The following GPR161 variants were observed in gnomAD, a reference collection of about 807,000 sequenced individuals.
GPR161 encodes the protein G-protein coupled receptor RE2.
In GPR161, 25 loss-of-function variants were observed where a neutral mutation model predicts 39.2. The ratio of observed to expected loss-of-function variants is 0.64; its 90% CI spans 0.47 to 0.89. The LOEUF is 0.89. Among genes scored for constraint, GPR161 ranks in the 40% least tolerant of loss-of-function variants. GPR161 has a pLI of 0.00. For synonymous variants in GPR161, 286 were observed against 276.6 expected, an observed-to-expected ratio of 1.03 and a Z score of -0.34; for missense variants, 547 against 677.8, an observed-to-expected ratio of 0.81 and a Z score of 2.14.
chr1:168,120,362 G>C (rs953481175), intron 1 of GPR161, among the ~76,000 whole-genome samples: 1 of 152,172 alleles, frequency 6.6e-6, no homozygotes, highest in African/African-American at 2.4e-5. Flanking sequence ...TTTGGAATGG[G>C]AACATTTACC....
intron 4 of GPR161, among the ~76,000 whole-genome samples, chr1:168,089,932 C>T (rs768321113): frequency 7.2e-5 from 11 of 152,184 alleles, no homozygotes; most frequent in Non-Finnish European, 8.8e-5. Context: ...GAGGGCTCTG[C>T]AGGATTTGTG....
chr1:168,085,403 G>T lies in GPR161; in HGVS notation c.*128C>A. On this transcript the variant is annotated 3_prime_UTR_variant, in exon 6 of 6. Coordinates refer to ENST00000682931, the MANE Select transcript of GPR161 (RefSeq NM_001375883.1). ...TTGTCCTGGTGGCTGCATACCAGAT[G>T]CTGCTCCTTCCCTGTGTGTGGCCAG... 1.2e-6 allele frequency: 1 copy of T among 814,562 alleles called. No homozygotes were observed. Among genetic ancestry groups the T allele is most frequent in the Non-Finnish European group, 2.0e-6 (1 of 503,054 alleles). 50.5% of individuals were successfully genotyped at this position (814,562 alleles called of 1,614,324 possible). A position where few individuals can be genotyped will look rare whatever the true frequency, so the allele number is the denominator to read the frequency against.
Position 168,136,710 on chromosome 1 carries a change from C to A in GPR161, c.-45+29G>T, listed in dbSNP as rs1011046240. 3.7e-5 allele frequency: 39 copies of A among 1,042,568 alleles called. No individual in the cohort carries two copies. In the African/African-American group the frequency reaches 6.3e-4, roughly 17 times the overall value. 64.6% of individuals were successfully genotyped at this position (1,042,568 alleles called of 1,614,324 possible). A position where few individuals can be genotyped will look rare whatever the true frequency, so the allele number is the denominator to read the frequency against. On this transcript the variant is annotated intron_variant, in intron 1 of 5. Coordinates refer to ENST00000682931, the MANE Select transcript of GPR161 (RefSeq NM_001375883.1). ...CCGGACCGCCCTCTCCGCCCGGGCC[C>A]GCGCCCGCGCCCCACGCCGGGTGCT... is the stretch of plus-strand genomic sequence containing the variant.
At chr1:168,123,579 C>CACAT (rs796208020) in intron 1 of GPR161, among the ~76,000 whole-genome samples, 3,234 of 147,816 alleles carry the variant, frequency 0.022, 53 homozygotes, top group Non-Finnish European at 0.028. Flanking sequence ...CACACACACA[C>CACAT]TTGTTTGCAT....
chr1:168,104,430 G>T, intron 2 of GPR161, 47 bp downstream of exon 2: 1 of 1,497,842 alleles, frequency 6.7e-7, no homozygotes, highest in Non-Finnish European at 9.2e-7. Flanking sequence ...CACCAGATGA[G>T]CGCCCGTCAG....
intron 1 of GPR161, among the ~76,000 whole-genome samples, chr1:168,133,189 T>G (rs1699128227): frequency 6.6e-6 from 1 of 152,244 alleles, no homozygotes; most frequent in East Asian, 1.9e-4. Context: ...TTATAACTTT[T>G]GAATGCTATA....
rs1558074420 is a variant in GPR161 at position 168,081,916 on chromosome 1, C to G, written c.*3615G>C. The G allele has an allele frequency of 6.6e-6, 1 of 152,272 alleles. No individual in the cohort carries two copies. Among genetic ancestry groups the G allele is most frequent in the Non-Finnish European group, 1.5e-5 (1 of 68,062 alleles). The allele number at this position is 152,272 out of a possible 1,614,324, so 9.4% of individuals were successfully genotyped here. ...GACACAGCCAGGGCTCAAGGCTGAA[C>G]ACATGTTGTGAATGTATCTTGTGGT... is the stretch of plus-strand genomic sequence containing the variant. On this transcript the variant is annotated 3_prime_UTR_variant, in exon 6 of 6. Transcript: ENST00000682931.
chr1:168,135,560 A>C (rs1479911492), intron 1 of GPR161, among the ~76,000 whole-genome samples: 1 of 152,156 alleles, frequency 6.6e-6, no homozygotes, highest in Non-Finnish European at 1.5e-5. Context: ...GCCTCTCTTC[A>C]CTTGCTCCCA....
intron 1 of GPR161, among the ~76,000 whole-genome samples, chr1:168,112,475 G>A (rs1386885469): frequency 1.6e-4 from 11 of 68,970 alleles, no homozygotes; most frequent in Admixed American, 4.6e-4. Flanking sequence ...GTGAGACTCC[G>A]TCTCAAAAAA....
intron 4 of GPR161, 61 bp downstream of exon 4, chr1:168,090,503 G>GGGGGAAACGCAACACA (rs1694951561): frequency 2.1e-6 from 2 of 963,396 alleles, no homozygotes; most frequent in African/African-American, 3.2e-5. Context: ...AACGCGACAC[G>GGGGGAAACGCAACACA]GGGGAAACGC....
At position 168,083,558 on chromosome 1, in the gene GPR161, G is replaced by A. The variant is rs1455488382; in HGVS notation, c.*1973C>T. On this transcript the variant is annotated 3_prime_UTR_variant, in exon 6 of 6. Transcript: ENST00000682931. The stretch of plus-strand genomic sequence containing the variant: ...TGGTCCCTTCAGAAAGTAGACAAGT[G>A]CTAGAAAAAAATATATACAGGGAAT... 6.6e-6 allele frequency: 1 copy of A among 152,156 alleles called. No individual in the cohort carries two copies. The highest frequency in any genetic ancestry group is 1.5e-5 in the Non-Finnish European group (1 of 68,048). 9.4% of individuals were successfully genotyped at this position (152,156 alleles called of 1,614,324 possible).
intron 1 of GPR161, among the ~76,000 whole-genome samples, chr1:168,125,696 C>T (rs2102246551): frequency 6.6e-6 from 1 of 150,810 alleles, no homozygotes; most frequent in South Asian, 2.1e-4. Flanking sequence ...CAGCTCACTG[C>T]AATCTCCACC....
In GPR161 at chr1:168,104,613, C is replaced by A. The variant is rs976252444; in HGVS notation, c.238G>T (p.Val80Leu). The A allele has an allele frequency of 6.2e-7, 1 of 1,614,086 alleles. No homozygotes were observed. Among genetic ancestry groups the A allele is most frequent in the Non-Finnish European group, 8.5e-7 (1 of 1,179,990 alleles). The change falls in exon 2 of 6, where the codon GTG (valine) becomes TTG (leucine). Residue 80 changes from valine (V) to leucine (L), a missense_variant. Coordinates refer to ENST00000682931, the MANE Select transcript of GPR161 (RefSeq NM_001375883.1). Reference sequence around the variant, plus strand: ...GAGCTCGTCACCACAAAAGGCAGCACCAACACGGACAGCAGGAAGTTGGAC... The same window carrying A: ...GAGCTCGTCACCACAAAAGGCAGCAACAACACGGACAGCAGGAAGTTGGAC... ...TLSNFLLSVLVLPFVVTSSIR... is the reference protein window; with the variant it reads ...TLSNFLLSVLLLPFVVTSSIR...
At chr1:168,114,679 G>A (rs1019874653) in intron 1 of GPR161, 2 of 152,156 alleles carry the variant, frequency 1.3e-5, no homozygotes, top group African/African-American at 4.8e-5. Flanking sequence ...TCTGTAAAAT[G>A]AGTATCATCT....
chr1:168,123,978 A>C (rs1698406264), intron 1 of GPR161, among the ~76,000 whole-genome samples: 2 of 152,214 alleles, frequency 1.3e-5, no homozygotes, highest in South Asian at 4.1e-4. Flanking sequence ...TGTAAAAAGC[A>C]ATCCTAACTT....
At chr1:168,100,531 G>T (rs112377821) in intron 2 of GPR161, among the ~76,000 whole-genome samples, 2 of 152,238 alleles carry the variant, frequency 1.3e-5, no homozygotes, top group East Asian at 1.9e-4. Context: ...CTTTCATGAC[G>T]TCACAGGTAA....
At chr1:168,099,176 TG>T (rs1255509359) in intron 2 of GPR161, among the ~76,000 whole-genome samples, 1 of 152,146 alleles carries the variant, frequency 6.6e-6, no homozygotes, top group Non-Finnish European at 1.5e-5. Flanking sequence ...TTTTGAGCCC[TG>T]GGGGGCGAAC....
At chr1:168,104,428 G>A (rs1166952050) in intron 2 of GPR161, 49 bp downstream of exon 2, 11 of 1,483,714 alleles carry the variant, frequency 7.4e-6, no homozygotes, top group Middle Eastern at 1.7e-4. Context: ...TGCACCAGAT[G>A]AGCGCCCGTC....
At chr1:168,089,566 G>A (rs1327770272) in intron 4 of GPR161, 1 of 152,536 alleles carries the variant, frequency 6.6e-6, no homozygotes, top group African/African-American at 2.4e-5. Context: ...CCCAAGAGCA[G>A]AGAGATGGAG....
Sources: gnomAD v4.1 joint callset for allele counts (sites outside exome capture counted in the v4.1 genomes callset) on GRCh38, gnomAD v4.1.1 for gene constraint, MANE v1.5 for transcripts, NCBI Gene and HGNC (gene_info 2026-07-23, HGNC 2026-07-21) for gene names.